The following CEP85L variants were observed in gnomAD, a reference collection of about 807,000 sequenced individuals.
The protein encoded by CEP85L is centrosomal protein 85L.
Under a neutral mutation model 100.3 loss-of-function variants are expected in CEP85L, and 60 were observed. The ratio of observed to expected loss-of-function variants is 0.60; its 90% confidence interval spans 0.49 to 0.74. The LOEUF is 0.74. Among genes scored for constraint, CEP85L ranks in the 30% least tolerant of loss-of-function variants. The pLI, the probability that CEP85L is intolerant of heterozygous loss-of-function variation, is 0.00. For synonymous variants in CEP85L, 319 were observed against 322.7 expected (o/e 0.99, Z 0.12); for missense variants, 973 against 936.2 (o/e 1.04, Z -0.51).
At chr6:118,488,857 G>A (rs1488446111) in intron 6 of CEP85L, among the ~76,000 whole-genome samples, 1 of 152,218 alleles carries the variant, frequency 6.6e-6, no homozygotes, top group East Asian at 1.9e-4. Flanking sequence ...ACTATGAGCA[G>A]ATTTCTCAGA....
chr6:118,684,613 G>A (rs1447175126), intron 1 of CEP85L, among the ~76,000 whole-genome samples: 26 of 152,158 alleles, frequency 1.7e-4, no homozygotes, highest in Admixed American at 1.7e-3. Context: ...GGAAATGAAA[G>A]CTCAGCGTTG....
At chr6:118,552,032 T>A (rs1055524533) in intron 3 of CEP85L, among the ~76,000 whole-genome samples, 1 of 151,962 alleles carries the variant, frequency 6.6e-6, no homozygotes, top group African/African-American at 2.4e-5. Context: ...TTCCAAACAA[T>A]CCAAATATAG....
chr6:118,518,822 T>TA (rs1478344273), intron 4 of CEP85L, among the ~76,000 whole-genome samples: 6 of 152,366 alleles, frequency 3.9e-5, no homozygotes, highest in East Asian at 3.9e-4. Flanking sequence ...GTTGCGATGT[T>TA]AGAGTGTCAA....
chr6:118,489,015 C>A (rs1319689032), intron 6 of CEP85L, among the ~76,000 whole-genome samples: 1 of 152,084 alleles, frequency 6.6e-6, no homozygotes, highest in Non-Finnish European at 1.5e-5. Flanking sequence ...CTCCTGTAAT[C>A]CCAGCACTTT....
intron 1 of CEP85L, among the ~76,000 whole-genome samples, chr6:118,696,009 G>C (rs533493490): frequency 2.0e-5 from 3 of 152,264 alleles, no homozygotes; most frequent in African/African-American, 4.8e-5. Flanking sequence ...GGTGGTTCAC[G>C]CCTGTAATCC....
chr6:118,668,475 G>A (rs1405972605), intron 1 of CEP85L, among the ~76,000 whole-genome samples: 1 of 152,164 alleles, frequency 6.6e-6, no homozygotes, highest in Non-Finnish European at 1.5e-5. Flanking sequence ...GTGGTACTGT[G>A]TGCCTACAGT....
intron 1 of CEP85L, among the ~76,000 whole-genome samples, chr6:118,672,726 T>C (rs1315003337): frequency 6.6e-6 from 1 of 151,742 alleles, no homozygotes; most frequent in Non-Finnish European, 1.5e-5. Context: ...AGATCGTGTC[T>C]CTGCACTCCA....
intron 10 of CEP85L, among the ~76,000 whole-genome samples, chr6:118,476,930 T>C (rs1773424697): frequency 6.6e-6 from 1 of 152,150 alleles, no homozygotes; most frequent in Non-Finnish European, 1.5e-5. Flanking sequence ...AAGACTACAA[T>C]GATAACAGCT....
upstream of CEP85L, chr6:118,652,435 G>A (rs748867131): frequency 3.8e-4 from 439 of 1,169,548 alleles, 1 homozygote; most frequent in Non-Finnish European, 4.4e-4. Context: ...TGCTTCCAAC[G>A]TTTAGTTACG....
intron 2 of CEP85L, among the ~76,000 whole-genome samples, chr6:118,590,983 A>C (rs1781159826): frequency 6.6e-6 from 1 of 152,144 alleles, no homozygotes; most frequent in African/African-American, 2.4e-5. Context: ...GAGCCCTTCC[A>C]GGTCCATGGG....
Position 118,569,469 on chromosome 6 carries a change from A to G in CEP85L, c.233-3153T>C, listed in dbSNP as rs372300572. Among the ~76,000 whole-genome samples, 37 of 150,872 alleles carry G rather than the reference A, an allele frequency of 2.5e-4. No individual in the cohort carries two copies. In the East Asian group the frequency reaches 5.2e-3, roughly 21 times the overall value. On this transcript the variant is annotated intron_variant, in intron 2 of 12. Coordinates refer to ENST00000368491, the MANE Select transcript of CEP85L (RefSeq NM_001042475.3). ...AGAACTTAAAGTATAATAAAAATAT[A>G]TATTCAAAAAAATAAATAAATAAAA...
At chr6:118,574,578 T>G (rs1780105556) in intron 2 of CEP85L, among the ~76,000 whole-genome samples, 1 of 152,206 alleles carries the variant, frequency 6.6e-6, no homozygotes, top group Non-Finnish European at 1.5e-5. Flanking sequence ...AGACATGTCC[T>G]GCTGCCTCAC....
chr6:118,474,777 C>G (rs1266887335), intron 10 of CEP85L, among the ~76,000 whole-genome samples: 18 of 152,172 alleles, frequency 1.2e-4, no homozygotes, highest in Non-Finnish European at 2.2e-4. Context: ...ACTTCATTTG[C>G]AACAGTGTGA....
intron 1 of CEP85L, among the ~76,000 whole-genome samples, chr6:118,691,201 GAT>G (rs1465187782): frequency 2.6e-5 from 4 of 151,774 alleles, no homozygotes; most frequent in Non-Finnish European, 5.9e-5. Context: ...GATCACCTGA[GAT>G]CAGGAGTTCA....
intron 2 of CEP85L, among the ~76,000 whole-genome samples, chr6:118,628,189 T>C (rs1038831453): frequency 4.6e-5 from 7 of 151,462 alleles, no homozygotes; most frequent in African/African-American, 1.7e-4. Context: ...AAAAAAATAG[T>C]TTGAAGAAAT....
chr6:118,600,237 T>G (rs756899505), intron 2 of CEP85L, among the ~76,000 whole-genome samples: 3 of 146,592 alleles, frequency 2.0e-5, no homozygotes, highest in African/African-American at 7.6e-5. Flanking sequence ...AGAAGAAAAT[T>G]TGTTACTATA....
intron 4 of CEP85L, among the ~76,000 whole-genome samples, chr6:118,521,688 C>A (rs1340765683): frequency 1.3e-5 from 2 of 152,202 alleles, no homozygotes; most frequent in Admixed American, 6.5e-5. Context: ...TAGAATCCCA[C>A]CCAGCCACCA....
chr6:118,575,617 C>T (rs1171591277), intron 2 of CEP85L, among the ~76,000 whole-genome samples: 3 of 152,130 alleles, frequency 2.0e-5, no homozygotes, highest in Admixed American at 2.0e-4. Context: ...GAAGAAAACA[C>T]AGAAGGAAAG....
intron 6 of CEP85L, among the ~76,000 whole-genome samples, chr6:118,489,690 G>C (rs1774421202): frequency 6.6e-6 from 1 of 152,110 alleles, no homozygotes; most frequent in African/African-American, 2.4e-5. Flanking sequence ...TTGAACACTT[G>C]GTGGAAATGT....
Sources: gnomAD v4.1 joint callset for allele counts (sites outside exome capture counted in the v4.1 genomes callset) on GRCh38, gnomAD v4.1.1 for gene constraint, MANE v1.5 for transcripts, NCBI Gene and HGNC (gene_info 2026-07-23, HGNC 2026-07-21) for gene names.